The following DGKI variants were observed in gnomAD, a reference collection of about 807,000 sequenced individuals.
DGKI encodes DAG kinase iota.
A neutral mutation model predicts 147.5 loss-of-function variants in DGKI; 55 were observed. The ratio of observed to expected loss-of-function variants is 0.37; its 90% confidence interval spans 0.30 to 0.47. The LOEUF (loss-of-function observed/expected upper bound fraction) is 0.47, where lower values mean the gene tolerates loss of function less well. Ranked by LOEUF, DGKI falls within the 20% of genes least tolerant of loss-of-function variation. DGKI has a pLI of 1.00. For synonymous variants in DGKI, 469 were observed against 477.1 expected (o/e 0.98, Z 0.22); for missense variants, 1,007 against 1,323.8 (o/e 0.76, Z 3.71).
chr7:137,760,610 T>C (rs1466274661), intron 1 of DGKI, among the ~76,000 whole-genome samples: 1 of 151,778 alleles, frequency 6.6e-6, no homozygotes, highest in African/African-American at 2.4e-5. Context: ...TGATTGAAAA[T>C]GAAGGTTCTA....
chr7:137,548,755 C>A (rs2128964748), intron 20 of DGKI, among the ~76,000 whole-genome samples: 1 of 152,270 alleles, frequency 6.6e-6, no homozygotes, highest in East Asian at 1.9e-4. Flanking sequence ...ATCACTTGAG[C>A]CCAGGACTTC....
rs145957334 is a variant in DGKI at position 137,655,481 on chromosome 7, A to T, written c.682-693T>A. ...CCAAAGTGCTGGGATTACAGGCATGAGCCACCACACCCAGCCCAGAGTTAT... is the reference window on the plus strand; with the variant it reads ...CCAAAGTGCTGGGATTACAGGCATGTGCCACCACACCCAGCCCAGAGTTAT... On this transcript the variant is annotated intron_variant, in intron 4 of 32. Transcript: ENST00000614521. 2.3e-3 allele frequency among the ~76,000 whole-genome samples: 356 copies of T among 152,296 alleles called. 2 individuals carry two copies. Among genetic ancestry groups the T allele is most frequent in the African/African-American group, 7.9e-3 (330 of 41,572 alleles).
chr7:137,559,824 G>A (rs1410973499), intron 19 of DGKI, among the ~76,000 whole-genome samples: 1 of 152,116 alleles, frequency 6.6e-6, no homozygotes, highest in Non-Finnish European at 1.5e-5. Context: ...TGCTTTAAAG[G>A]TAGCTATATG....
At position 137,678,554 on chromosome 7, in the gene DGKI, C is replaced by T; in HGVS notation, c.606+3G>A. 6.2e-7 allele frequency: 1 copy of T among 1,613,958 alleles called. No homozygotes were observed. The highest frequency in any genetic ancestry group is 8.5e-7 in the Non-Finnish European group (1 of 1,179,818). On this transcript the variant is annotated splice_donor_region_variant and intron_variant, in intron 3 of 32. Transcript: ENST00000614521. ...CCCCCAGCAAGACGGAGCGCACACT[C>T]ACTGCAAATCTGACTTGGCAGTTCT... is the stretch of plus-strand genomic sequence containing the variant.
chr7:137,635,490 T>A (rs952667117), intron 6 of DGKI, among the ~76,000 whole-genome samples: 1 of 152,162 alleles, frequency 6.6e-6, no homozygotes, highest in Non-Finnish European at 1.5e-5. Context: ...AGCACCACTA[T>A]GCAAGGGCTT....
intron 3 of DGKI, among the ~76,000 whole-genome samples, chr7:137,656,849 G>T (rs1423368417): frequency 6.6e-6 from 1 of 152,068 alleles, no homozygotes; most frequent in Non-Finnish European, 1.5e-5. Flanking sequence ...TCTTTGTTCT[G>T]TCATTTCTAA....
chr7:137,615,531 ATGTGTGTGTG>A (rs5887846), intron 8 of DGKI, among the ~76,000 whole-genome samples: 70 of 135,864 alleles, frequency 5.2e-4, no homozygotes, highest in Admixed American at 3.8e-3. Flanking sequence ...ATATGTATGT[ATGTGTGTGTG>A]TGTGTGTGTG....
At chr7:137,567,779 A>T (rs1818639805) in intron 19 of DGKI, among the ~76,000 whole-genome samples, 1 of 152,220 alleles carries the variant, frequency 6.6e-6, no homozygotes. Context: ...TTTAAATAAT[A>T]TACTGTTATT....
chr7:137,516,829 C>G (rs918403730), intron 21 of DGKI, among the ~76,000 whole-genome samples: 22 of 152,004 alleles, frequency 1.4e-4, no homozygotes, highest in African/African-American at 5.1e-4. Context: ...CTCAAATATG[C>G]AAACTGGAAA....
At chr7:137,550,983 C>T (rs1818026160) in intron 20 of DGKI, among the ~76,000 whole-genome samples, 1 of 152,104 alleles carries the variant, frequency 6.6e-6, no homozygotes, top group Admixed American at 6.5e-5. Context: ...TAACATATAA[C>T]CTCAGCAATT....
At chr7:137,704,855 T>C (rs1174835231) in intron 1 of DGKI, among the ~76,000 whole-genome samples, 1 of 152,154 alleles carries the variant, frequency 6.6e-6, no homozygotes, top group Non-Finnish European at 1.5e-5. Context: ...AAGAAGGCAG[T>C]GAGACGATAT....
At chr7:137,719,339 A>T (rs1372348741) in intron 1 of DGKI, among the ~76,000 whole-genome samples, 2 of 152,064 alleles carry the variant, frequency 1.3e-5, no homozygotes, top group African/African-American at 4.8e-5. Context: ...TTAAAACCAG[A>T]TGATTTTCTC....
chr7:137,678,543 G>C lies in DGKI; in HGVS notation c.606+14C>G. On this transcript the variant is annotated intron_variant, in intron 3 of 32. Coordinates refer to ENST00000614521, the MANE Select transcript of DGKI (RefSeq NM_001321708.2). Reference sequence around the variant, plus strand: ...CCACAGGCCTTCCCCCAGCAAGACGGAGCGCACACTCACTGCAAATCTGAC... The same window carrying C: ...CCACAGGCCTTCCCCCAGCAAGACGCAGCGCACACTCACTGCAAATCTGAC... The C allele has an allele frequency of 6.2e-7, 1 of 1,613,288 alleles. No individual in the cohort carries two copies. The highest frequency in any genetic ancestry group is 8.5e-7 in the Non-Finnish European group (1 of 1,179,320).
intron 1 of DGKI, among the ~76,000 whole-genome samples, chr7:137,803,331 T>C (rs1797270486): frequency 6.6e-6 from 1 of 152,124 alleles, no homozygotes; most frequent in Non-Finnish European, 1.5e-5. Context: ...TTTAGACAAA[T>C]TACAGGTCAG....
intron 1 of DGKI, among the ~76,000 whole-genome samples, chr7:137,727,927 A>T (rs1794758719): frequency 6.6e-6 from 1 of 152,200 alleles, no homozygotes; most frequent in Non-Finnish European, 1.5e-5. Context: ...AAAAACAAAG[A>T]AAGTGGAACC....
chr7:137,742,367 G>C (rs1045575813), intron 1 of DGKI, among the ~76,000 whole-genome samples: 1 of 152,086 alleles, frequency 6.6e-6, no homozygotes, highest in African/African-American at 2.4e-5. Context: ...CCTAGGTAGG[G>C]CCCCTTCTGC....
chr7:137,717,970 C>G (rs1383149890), intron 1 of DGKI, among the ~76,000 whole-genome samples: 1 of 152,176 alleles, frequency 6.6e-6, no homozygotes, highest in Non-Finnish European at 1.5e-5. Flanking sequence ...GAGACCTATT[C>G]TTTTCTACCA....
At chr7:137,455,769 G>A (rs1406089) in intron 27 of DGKI, among the ~76,000 whole-genome samples, 105,573 of 151,718 alleles carry the variant, frequency 0.7, 39,784 homozygotes, top group Non-Finnish European at 0.84. Context: ...AAGTACCGCA[G>A]AGAAGTCCCA....
At chr7:137,687,171 G>A (rs551798454) in intron 2 of DGKI, among the ~76,000 whole-genome samples, 16 of 152,234 alleles carry the variant, frequency 1.1e-4, no homozygotes, top group Non-Finnish European at 1.8e-4. Context: ...GACCCCATCT[G>A]CCACTGTGGT....
Sources: allele counts gnomAD v4.1 joint callset (sites outside exome capture counted in the v4.1 genomes callset), GRCh38; gene constraint gnomAD v4.1.1; transcripts MANE v1.5; gene names NCBI Gene and HGNC (gene_info 2026-07-23, HGNC 2026-07-21).